The following ACSM3 variants were observed in gnomAD, a reference collection of about 807,000 sequenced individuals.
ACSM3 encodes acyl-CoA synthetase medium chain family member 3.
Under a neutral mutation model 74.1 loss-of-function variants are expected in ACSM3, and 61 were observed. That is an observed-to-expected ratio of 0.82 (90% CI 0.67 to 1.02). The LOEUF (loss-of-function observed/expected upper bound fraction) is 1.02. ACSM3 is among the 50% of genes least tolerant of loss of function. ACSM3 has a pLI of 0.00. For synonymous variants in ACSM3, 213 were observed against 241.5 expected, an observed-to-expected ratio of 0.88 and a Z score of 1.09; for missense variants, 660 against 697.0, an observed-to-expected ratio of 0.95 and a Z score of 0.60.
In ACSM3 at chr16:20,792,066, A is replaced by G. The variant is rs150119081; in HGVS notation, c.1391A>G (p.Tyr464Cys). The G allele has an allele frequency of 6.2e-7, 1 of 1,614,090 alleles. No homozygotes were observed. The highest frequency in any genetic ancestry group is 1.3e-5 in the African/African-American group (1 of 74,946). Residue 464 changes from tyrosine to cysteine, a missense_variant, in exon 11 of 14, where the codon TAT becomes TGT. Tyr to Cys is a radical substitution (Grantham distance 194, BLOSUM62 -2). Coordinates refer to ENST00000289416, the MANE Select transcript of ACSM3 (RefSeq NM_005622.4). ...TTCTATATCACTGGGGACAGAGGAT[A>G]TATGGATAAAGATGGGTATTTCTGG... ...GNFYITGDRG[Y>C]MDKDGYFWFV... is the part of the protein sequence containing the mutation.
At chr16:20,796,598 C>T in intron 13 of ACSM3, 109 bp downstream of exon 13, 1 of 1,550,504 alleles carries the variant, frequency 6.4e-7, no homozygotes, top group South Asian at 1.2e-5. Context: ...ACCACATGTC[C>T]CAAACTGAAC....
chr16:20,751,783 G>A (rs1054669394), intron 2 of ACSM3, among the ~76,000 whole-genome samples: 1 of 152,168 alleles, frequency 6.6e-6, no homozygotes, highest in Non-Finnish European at 1.5e-5. Context: ...GGGGTTTTAT[G>A]AGAAGGCAAA....
chr16:20,774,929 G>A (rs1012130780), intron 2 of ACSM3, among the ~76,000 whole-genome samples: 1 of 152,210 alleles, frequency 6.6e-6, no homozygotes. Flanking sequence ...TGCCACTAGA[G>A]GGGGCAAGAT....
At chr16:20,710,322 A>G (rs1008152025) in intron 1 of ACSM3, among the ~76,000 whole-genome samples, 3 of 152,178 alleles carry the variant, frequency 2.0e-5, no homozygotes, top group African/African-American at 7.2e-5. Flanking sequence ...AGTAGTCTCT[A>G]GGCATTTTGG....
At chr16:20,746,962 C>T (rs886404073) in intron 1 of ACSM3, among the ~76,000 whole-genome samples, 1 of 152,174 alleles carries the variant, frequency 6.6e-6, no homozygotes, top group East Asian at 1.9e-4. Flanking sequence ...TCTAAACATA[C>T]AAGTCTTTCT....
Position 20,790,903 on chromosome 16 carries a change from C to G in ACSM3, c.1326+215C>G, listed in dbSNP as rs780051392. On this transcript the variant is annotated intron_variant, in intron 10 of 13. Coordinates refer to ENST00000289416, the MANE Select transcript of ACSM3 (RefSeq NM_005622.4). The surrounding 1 kb of genome is among the most constrained non-coding windows in gnomAD (Gnocchi z 4.0). ...GGTCCCCTGAGGCCAGATCACTGTT[C>G]CAGGTCCACGAAGGCAAGAGGAAGG... 2.5e-6 allele frequency: 4 copies of G among 1,614,074 alleles called. No homozygotes were observed. The highest frequency in any genetic ancestry group is 3.4e-6 in the Non-Finnish European group (4 of 1,179,980).
At position 20,797,478 on chromosome 16, in the gene ACSM3, A is replaced by T; in HGVS notation, c.*506A>T. 1 of 1,090,858 alleles carries T rather than the reference A, an allele frequency of 9.2e-7. No homozygotes were observed. Among genetic ancestry groups the T allele is most frequent in the East Asian group, 5.3e-5 (1 of 18,692 alleles). The allele number at this position is 1,090,858 out of a possible 1,614,324, so 67.6% of individuals were successfully genotyped here. ...TTATTAGTCACATTTTTTGCAAATAATTTAAAAATAGTTTAGACTTGTTTC... is the reference window on the plus strand; with the variant it reads ...TTATTAGTCACATTTTTTGCAAATATTTTAAAAATAGTTTAGACTTGTTTC... On this transcript the variant is annotated 3_prime_UTR_variant, in exon 14 of 14. Coordinates refer to ENST00000289416, the MANE Select transcript of ACSM3 (RefSeq NM_005622.4).
chr16:20,789,017 G>T (rs1180238662), intron 9 of ACSM3, among the ~76,000 whole-genome samples: 1 of 152,132 alleles, frequency 6.6e-6, no homozygotes, highest in Non-Finnish European at 1.5e-5. Context: ...CACACCTCAG[G>T]TTTGAAGGTA....
chr16:20,775,980 G>A lies in ACSM3; in HGVS notation c.361G>A (p.Asp121Asn). ...AGAAGCCTGTTCCCTACAAAGAGGA[G>A]ATCGGGTAATTCTGATTCTGCCCAG... is the stretch of plus-strand genomic sequence containing the variant. ...LSEACSLQRG[D>N]RVILILPRVP... The change falls in exon 3 of 14, where the codon GAT becomes AAT. Residue 121 changes from aspartate (D) to asparagine (N), a missense_variant. Coordinates refer to ENST00000289416, the MANE Select transcript of ACSM3 (RefSeq NM_005622.4). 6.2e-7 allele frequency: 1 copy of A among 1,614,184 alleles called. No individual in the cohort carries two copies. Among genetic ancestry groups the A allele is most frequent in the Non-Finnish European group, 8.5e-7 (1 of 1,180,030 alleles).
rs2152486949 is a variant in ACSM3 at position 20,792,030 on chromosome 16, T to C, written c.1355T>C (p.Leu452Pro). Reference sequence around the variant, plus strand: ...AATCCTTCAAAAACAGCTTCAACTCTACGAGGCAATTTCTATATCACTGGG... The same window carrying C: ...AATCCTTCAAAAACAGCTTCAACTCCACGAGGCAATTTCTATATCACTGGG... ...VDNPSKTAST[L>P]RGNFYITGDR... The change falls in exon 11 of 14, where the codon CTA (leucine) becomes CCA (proline). Residue 452 changes from leucine to proline, a missense_variant. Coordinates refer to ENST00000289416, the MANE Select transcript of ACSM3 (RefSeq NM_005622.4). 1 of 1,614,104 alleles carries C rather than the reference T, an allele frequency of 6.2e-7. No homozygotes were observed. The highest frequency in any genetic ancestry group is 2.2e-5 in the East Asian group (1 of 44,880).
At chr16:20,748,260 T>C (rs991464881) in intron 1 of ACSM3, among the ~76,000 whole-genome samples, 2 of 152,200 alleles carry the variant, frequency 1.3e-5, no homozygotes, top group East Asian at 1.9e-4. Flanking sequence ...TCTACATGAA[T>C]ACTCAGGTTG....
At chr16:20,791,234 T>C (rs572999542) in intron 10 of ACSM3, among the ~76,000 whole-genome samples, 2 of 152,292 alleles carry the variant, frequency 1.3e-5, no homozygotes, top group African/African-American at 4.8e-5. Context: ...AGTATCTTGT[T>C]TTTTCTTATG....
At chr16:20,684,548 A>G (rs1014877166) in intron 1 of ACSM3, among the ~76,000 whole-genome samples, 1 of 152,228 alleles carries the variant, frequency 6.6e-6, no homozygotes, top group African/African-American at 2.4e-5. Flanking sequence ...ATCACAAAGA[A>G]AGAGTCAGAA....
rs2079920378 is a variant in ACSM3 at position 20,741,433 on chromosome 16, AG to A, written c.-189-8476del. The stretch of plus-strand genomic sequence containing the variant: ...GACCCGAGGCGCGCATGCCCATACC[AG>A]CAGCCATCCCTCCACCCTTCCCTCC... On this transcript the variant is annotated intron_variant, in intron 1 of 3. Coordinates refer to the ACSM3 transcript ENST00000561584. 3 of 1,450,414 alleles carry A rather than the reference AG, an allele frequency of 2.1e-6. No homozygotes were observed. The African/African-American group carries it at 4.3e-5, about 21-fold the overall frequency. 89.8% of individuals were successfully genotyped at this position (1,450,414 alleles called of 1,614,324 possible).
chr16:20,712,744 A>G (rs1164226924), intron 1 of ACSM3, among the ~76,000 whole-genome samples: 2 of 151,400 alleles, frequency 1.3e-5, no homozygotes, highest in Non-Finnish European at 2.9e-5. Flanking sequence ...TGTCTCTAAA[A>G]AAAAAAAAAA....
At chr16:20,791,350 TTGAG>T (rs1567363295) in intron 10 of ACSM3, among the ~76,000 whole-genome samples, 1 of 152,224 alleles carries the variant, frequency 6.6e-6, no homozygotes, top group Non-Finnish European at 1.5e-5. Flanking sequence ...CTTTTGACTC[TTGAG>T]TATTTACTTC....
At chr16:20,700,474 G>A (rs2079710133) in intron 1 of ACSM3, among the ~76,000 whole-genome samples, 1 of 152,018 alleles carries the variant, frequency 6.6e-6, no homozygotes, top group Non-Finnish European at 1.5e-5. Flanking sequence ...CCTGAAGGAG[G>A]AGAAGCAGCC....
intron 2 of ACSM3, among the ~76,000 whole-genome samples, chr16:20,774,745 G>A (rs2080235579): frequency 6.6e-6 from 1 of 152,198 alleles, no homozygotes; most frequent in South Asian, 2.1e-4. Context: ...GTCCCAGGCA[G>A]GCTGATCCTC....
At chr16:20,783,936 T>C (rs2080411459) in intron 7 of ACSM3, among the ~76,000 whole-genome samples, 1 of 152,086 alleles carries the variant, frequency 6.6e-6, no homozygotes, top group African/African-American at 2.4e-5. Flanking sequence ...CTCCTGAGCA[T>C]GTAGGATTAC....
Sources: gnomAD v4.1 joint callset for allele counts (sites outside exome capture counted in the v4.1 genomes callset) on GRCh38, gnomAD v4.1.1 for gene constraint, Gnocchi (gnomAD v3.1) non-coding constraint, MANE v1.5 for transcripts, NCBI Gene and HGNC (gene_info 2026-07-23, HGNC 2026-07-21) for gene names.